The following KAT6A variants were observed in gnomAD, a reference collection of about 807,000 sequenced individuals.
KAT6A encodes the protein histone acetyltransferase KAT6A.
In KAT6A, 9 loss-of-function variants were observed where a neutral mutation model predicts 198.4. That is an observed-to-expected ratio of 0.05 (90% CI 0.03 to 0.08). The LOEUF is 0.08. Ranked by LOEUF, KAT6A falls within the 10% of genes least tolerant of loss-of-function variation. The probability of loss-of-function intolerance (pLI) is 1.00; values close to 1 mark genes in which losing one functional copy is unlikely to be tolerated. For missense variants in KAT6A, 2,077 were observed against 2,509.9 expected (o/e 0.83, Z 3.69); for synonymous variants, 890 against 883.0 (o/e 1.01, Z -0.14).
At chr8:41,977,821 T>A (rs1414133917) in intron 6 of KAT6A, among the ~76,000 whole-genome samples, 1 of 152,166 alleles carries the variant, frequency 6.6e-6, no homozygotes, top group Non-Finnish European at 1.5e-5. Flanking sequence ...AATCAAAGCT[T>A]GATTTAAGAT....
intron 2 of KAT6A, among the ~76,000 whole-genome samples, chr8:42,027,579 A>G (rs1226311803): frequency 6.6e-6 from 1 of 152,070 alleles, no homozygotes; most frequent in Non-Finnish European, 1.5e-5. Context: ...ATTTGTTAGC[A>G]TACAGTTGTT....
At chr8:41,984,147 T>C (rs1431163444) in intron 3 of KAT6A, among the ~76,000 whole-genome samples, 1 of 152,206 alleles carries the variant, frequency 6.6e-6, no homozygotes, top group Non-Finnish European at 1.5e-5. Context: ...TGACAGCCAG[T>C]CTCCAGGCTG....
intron 8 of KAT6A, chr8:41,957,179 G>T (rs370562883): frequency 3.4e-6 from 2 of 591,460 alleles, no homozygotes; most frequent in African/African-American, 3.7e-5. Context: ...AACTGCGCAC[G>T]TCTGTCCAGA....
At chr8:42,025,945 A>C (rs1826794259) in intron 2 of KAT6A, among the ~76,000 whole-genome samples, 1 of 152,136 alleles carries the variant, frequency 6.6e-6, no homozygotes, top group Non-Finnish European at 1.5e-5. Flanking sequence ...TTCTGAGCTG[A>C]CTTTTGCATA....
intron 2 of KAT6A, among the ~76,000 whole-genome samples, chr8:42,006,995 CAAA>C (rs10701182): frequency 1.1e-5 from 1 of 88,216 alleles, no homozygotes; most frequent in Admixed American, 1.4e-4. Context: ...GACTCCATCT[CAAA>C]AAAAAAAAAA....
intron 8 of KAT6A, among the ~76,000 whole-genome samples, chr8:41,970,213 T>C (rs919017182): frequency 2.6e-5 from 4 of 152,200 alleles, no homozygotes; most frequent in South Asian, 2.1e-4. Context: ...ATAAGCCTCA[T>C]GGAGAAATAG....
chr8:42,050,506 A>AT (rs566822230), intron 1 of KAT6A, among the ~76,000 whole-genome samples: 175 of 152,358 alleles, frequency 1.1e-3, no homozygotes, highest in Non-Finnish European at 1.4e-3. Flanking sequence ...CGGAAAACTA[A>AT]TACACACTAG....
intron 2 of KAT6A, among the ~76,000 whole-genome samples, chr8:42,038,947 A>C (rs918844541): frequency 4.6e-5 from 7 of 152,180 alleles, no homozygotes; most frequent in African/African-American, 1.7e-4. Context: ...CACACTACAA[A>C]TGGTTTCTTC....
intron 8 of KAT6A, among the ~76,000 whole-genome samples, chr8:41,971,608 CTCT>C (rs1188202728): frequency 1.3e-5 from 1 of 78,594 alleles, no homozygotes; most frequent in African/African-American, 1.0e-4. Flanking sequence ...AGAGAACAGA[CTCT>C]TTTTTTTTTT....
intron 8 of KAT6A, among the ~76,000 whole-genome samples, chr8:41,958,755 T>A (rs1222549159): frequency 1.3e-5 from 2 of 152,210 alleles, no homozygotes; most frequent in African/African-American, 4.8e-5. Context: ...GCAAAGCATA[T>A]GAATATTCAC....
chr8:41,995,608 G>T (rs1825158829), intron 2 of KAT6A, among the ~76,000 whole-genome samples: 1 of 151,114 alleles, frequency 6.6e-6, no homozygotes, highest in Non-Finnish European at 1.5e-5. Flanking sequence ...CTTAAATAAT[G>T]ACATTTTCTA....
chr8:42,024,222 A>G (rs1291975810), intron 2 of KAT6A, among the ~76,000 whole-genome samples: 1 of 152,230 alleles, frequency 6.6e-6, no homozygotes, highest in African/African-American at 2.4e-5. Context: ...GTTTACACCA[A>G]TATCACCACA....
chr8:42,042,262 G>C (rs1423193918), intron 2 of KAT6A, among the ~76,000 whole-genome samples: 1 of 151,946 alleles, frequency 6.6e-6, no homozygotes, highest in Non-Finnish European at 1.5e-5. Flanking sequence ...TTCGAGACCA[G>C]CCTGGCCAAC....
At chr8:41,943,050 T>G (rs1471173401) in intron 13 of KAT6A, 50 bp from the exon 14 acceptor site, 9 of 1,606,522 alleles carry the variant, frequency 5.6e-6, no homozygotes, top group Admixed American at 5.0e-5. Flanking sequence ...AAGGTGTACA[T>G]AAAAATGAAT....
At chr8:41,979,674 T>C (rs1824249717) in intron 5 of KAT6A, among the ~76,000 whole-genome samples, 1 of 152,046 alleles carries the variant, frequency 6.6e-6, no homozygotes, top group Non-Finnish European at 1.5e-5. Flanking sequence ...TTAGTATTTA[T>C]AAATTGAAGA....
intron 8 of KAT6A, among the ~76,000 whole-genome samples, chr8:41,969,039 T>C (rs1292388167): frequency 4.6e-5 from 7 of 152,188 alleles, no homozygotes; most frequent in African/African-American, 1.7e-4. Flanking sequence ...TTCCAGACTA[T>C]AAGCTCTAAG....
chr8:41,960,249 T>C (rs1455112688), intron 8 of KAT6A, among the ~76,000 whole-genome samples: 1 of 149,884 alleles, frequency 6.7e-6, no homozygotes, highest in East Asian at 1.9e-4. Context: ...CACAACAAGG[T>C]GAATGTCTTT....
At chr8:41,934,935 G>T in intron 16 of KAT6A, 68 bp from the exon 17 acceptor site, 1 of 1,192,384 alleles carries the variant, frequency 8.4e-7, no homozygotes, top group South Asian at 1.5e-5. Flanking sequence ...CTTCTTCCAA[G>T]ACTAGCATAT....
At position 41,940,879 on chromosome 8, in the gene KAT6A, G is replaced by C; in HGVS notation, c.3002C>G (p.Ser1001Trp). The change falls in exon 15 of 17, where the codon TCG (serine) becomes TGG (tryptophan). Residue 1001 changes from serine (S) to tryptophan (W), a missense_variant. Transcript: ENST00000265713. ...CGTGGGCTTTGTGAGAATTGGTGGC[G>C]AGCTTGACCGAGGGCTTTCCGGCTC... ...EEEPESPRSS[S>W]PPILTKPTLK... 6.2e-7 allele frequency: 1 copy of C among 1,613,424 alleles called. No individual in the cohort carries two copies. The highest frequency in any genetic ancestry group is 8.5e-7 in the Non-Finnish European group (1 of 1,179,948).
Sources: gnomAD v4.1 joint callset for allele counts (sites outside exome capture counted in the v4.1 genomes callset) on GRCh38, gnomAD v4.1.1 for gene constraint, MANE v1.5 for transcripts, NCBI Gene and HGNC (gene_info 2026-07-23, HGNC 2026-07-21) for gene names.